The following PCDHGA3 variants were observed in gnomAD, a reference collection of about 807,000 sequenced individuals.
The protein encoded by PCDHGA3 is protocadherin gamma subfamily A, 3.
Under a neutral mutation model 58.5 loss-of-function variants are expected in PCDHGA3, and 40 were observed. The ratio of observed to expected loss-of-function variants is 0.68; its 90% CI spans 0.53 to 0.89. The LOEUF (loss-of-function observed/expected upper bound fraction) is 0.89, where lower values mean the gene tolerates loss of function less well. Among genes scored for constraint, PCDHGA3 ranks in the 40% least tolerant of loss-of-function variants. PCDHGA3 has a pLI of 0.00. For synonymous variants in PCDHGA3, 530 were observed against 525.7 expected (o/e 1.01, Z -0.11); for missense variants, 1,223 against 1,195.9 (o/e 1.02, Z -0.33).
Position 141,419,399 on chromosome 5 carries a change from G to C in PCDHGA3, c.2424+72942G>C, listed in dbSNP as rs893535249. On this transcript the variant is annotated intron_variant, in intron 1 of 3. Coordinates refer to ENST00000253812, the MANE Select transcript of PCDHGA3 (RefSeq NM_018916.4). ...GTCCGTGAGCGCGCAGAGCGGGGTG[G>C]TGTTCGCGCAGCGCGCCTTCGACCA... 1.7e-5 allele frequency: 28 copies of C among 1,613,470 alleles called. No individual in the cohort carries two copies. Among genetic ancestry groups the C allele is most frequent in the Admixed American group, 1.7e-5 (1 of 60,014 alleles).
At chr5:141,502,499 C>A (rs552402476) in intron 2 of PCDHGA3, among the ~76,000 whole-genome samples, 12 of 152,122 alleles carry the variant, frequency 7.9e-5, no homozygotes, top group Non-Finnish European at 2.9e-5. Flanking sequence ...CATCTAACGT[C>A]GGCCTGTCCC....
At chr5:141,505,044 C>G (rs1446394128) in intron 2 of PCDHGA3, among the ~76,000 whole-genome samples, 3 of 152,156 alleles carry the variant, frequency 2.0e-5, no homozygotes, top group African/African-American at 7.2e-5. Context: ...TGCCTGTCAT[C>G]CCAGCTACTT....
rs1316659737 is a variant in PCDHGA3 at position 141,490,964 on chromosome 5, C to T, written c.2425-3843C>T. ...CCACGGCCAGACTGGGAACACTCAG[C>T]CCCCCAGCGTCTCCCTCGCTCTGCT... On this transcript the variant is annotated intron_variant, in intron 1 of 3. Transcript: ENST00000253812. The surrounding 1 kb of genome is among the most constrained non-coding windows in gnomAD (Gnocchi z 5.4). 2.5e-6 allele frequency: 4 copies of T among 1,613,608 alleles called. No homozygotes were observed. Among genetic ancestry groups the T allele is most frequent in the East Asian group, 2.2e-5 (1 of 44,882 alleles).
At position 141,457,041 on chromosome 5, in the gene PCDHGA3, A is replaced by T. The variant is rs151212070; in HGVS notation, c.2425-37766A>T. On this transcript the variant is annotated intron_variant, in intron 1 of 3. Transcript: ENST00000253812. ...AAGTCCTAGTAGACTCAGTGATAGT[A>T]AAACTTTCATGCTTCCTTTTTGCCA... 2.3e-4 allele frequency among the ~76,000 whole-genome samples: 35 copies of T among 152,360 alleles called. No individual in the cohort carries two copies. In the East Asian group the frequency reaches 6.4e-3, roughly 28 times the overall value.
At chr5:141,357,224 T>G in intron 1 of PCDHGA3, 1 of 1,613,828 alleles carries the variant, frequency 6.2e-7, no homozygotes, top group Non-Finnish European at 8.5e-7. Context: ...CTGGCTGACT[T>G]GGGCAGCCTC....
chr5:141,405,410 TTTTTGTTTTTTG>T lies in PCDHGA3; in HGVS notation c.2424+58963_2424+58974del, dbSNP rs1345529499. 4 of 1,557,296 alleles carry T rather than the reference TTTTTGTTTTTTG, an allele frequency of 2.6e-6. No individual in the cohort carries two copies. In the South Asian group the frequency reaches 4.6e-5, roughly 18 times the overall value. ...ATTTTTTTTCTTTCTTTCTTTTCTT[TTTTTGTTTTTTG>T]TTTTGTTTTGTTTTTGAGACAGAGT... On this transcript the variant is annotated intron_variant, in intron 1 of 3. Transcript: ENST00000253812.
At chr5:141,455,449 G>A (rs1421095381) in intron 1 of PCDHGA3, among the ~76,000 whole-genome samples, 1 of 152,126 alleles carries the variant, frequency 6.6e-6, no homozygotes, top group Non-Finnish European at 1.5e-5. Flanking sequence ...CATCTACCGC[G>A]GATACCAGCC....
chr5:141,446,230 G>A (rs548647406), intron 1 of PCDHGA3, among the ~76,000 whole-genome samples: 22 of 152,208 alleles, frequency 1.4e-4, no homozygotes, highest in African/African-American at 4.6e-4. Context: ...GTGTTGCCTG[G>A]CAAGTGGTAG....
intron 2 of PCDHGA3, among the ~76,000 whole-genome samples, chr5:141,502,866 C>CTTTTTT (rs549047197): frequency 2.0e-4 from 26 of 128,026 alleles, no homozygotes; most frequent in African/African-American, 6.2e-4. Flanking sequence ...GACTCTCTGT[C>CTTTTTT]TTTTTTTTTT....
At chr5:141,380,313 G>A (rs535275197) in intron 1 of PCDHGA3, among the ~76,000 whole-genome samples, 53 of 152,244 alleles carry the variant, frequency 3.5e-4, no homozygotes, top group Non-Finnish European at 5.4e-4. Flanking sequence ...GCTTGAGAAT[G>A]AAAATCTAAA....
At chr5:141,371,090 C>T (rs764906419) in intron 1 of PCDHGA3, 1 of 1,613,820 alleles carries the variant, frequency 6.2e-7, no homozygotes, top group Admixed American at 1.7e-5. Flanking sequence ...GGGTAATTGT[C>T]GCAGATGCAA....
At chr5:141,428,122 G>T in intron 1 of PCDHGA3, 1 of 1,606,172 alleles carries the variant, frequency 6.2e-7, no homozygotes, top group Non-Finnish European at 8.5e-7. Flanking sequence ...ATCGAGCCCG[G>T]GCTTTTCAGC....
At chr5:141,381,603 T>C (rs751788788) in intron 1 of PCDHGA3, among the ~76,000 whole-genome samples, 4 of 152,242 alleles carry the variant, frequency 2.6e-5, no homozygotes, top group African/African-American at 4.8e-5. Context: ...TTCTTATGAA[T>C]TCACAGCCCA....
chr5:141,463,467 G>A (rs200270457), intron 1 of PCDHGA3, among the ~76,000 whole-genome samples: 2,116 of 11,250 alleles, frequency 0.19, 39 homozygotes, highest in East Asian at 0.24. Context: ...TTTTTTTTTT[G>A]AGATGGAGTC....
rs778271895 is a variant in PCDHGA3 at position 141,404,140 on chromosome 5, T to C, written c.2424+57683T>C. ...AGAATCTATCTTTTACATTAGAAAA[T>C]TCAGAAGAAGATTATTACAGATTGT... On this transcript the variant is annotated intron_variant, in intron 1 of 3. Coordinates refer to ENST00000253812, the MANE Select transcript of PCDHGA3 (RefSeq NM_018916.4). The C allele has an allele frequency of 8.1e-6, 13 of 1,612,934 alleles. No homozygotes were observed. The South Asian group carries it at 1.3e-4, about 16-fold the overall frequency.
At position 141,414,416 on chromosome 5, in the gene PCDHGA3, T is replaced by C. The variant is rs550804810; in HGVS notation, c.2424+67959T>C. The C allele has an allele frequency of 2.2e-5, 35 of 1,613,902 alleles. No homozygotes were observed. In the South Asian group the frequency reaches 3.5e-4, roughly 16 times the overall value. On this transcript the variant is annotated intron_variant, in intron 1 of 3. Coordinates refer to ENST00000253812, the MANE Select transcript of PCDHGA3 (RefSeq NM_018916.4). ...TACAGATTGGTGATACACAGAGCCCTTGACAGGGAACAGGTATCCTCTTAC... is the reference window on the plus strand; with the variant it reads ...TACAGATTGGTGATACACAGAGCCCCTGACAGGGAACAGGTATCCTCTTAC...
At chr5:141,371,789 T>G in intron 1 of PCDHGA3, 1 of 1,613,924 alleles carries the variant, frequency 6.2e-7, no homozygotes. Flanking sequence ...CTGAGAACAA[T>G]CCGCCTGGAG....
At chr5:141,366,662 A>T (rs1400618263) in intron 1 of PCDHGA3, 9 of 1,614,264 alleles carry the variant, frequency 5.6e-6, no homozygotes, top group Non-Finnish European at 7.6e-6. Context: ...CTACGCAGAC[A>T]CGCTCCTTAG....
chr5:141,475,721 G>A (rs867365261), intron 1 of PCDHGA3, among the ~76,000 whole-genome samples: 1 of 152,248 alleles, frequency 6.6e-6, no homozygotes. Context: ...ACAGCCCCAA[G>A]GCTGGCTTTC....
Sources: allele counts gnomAD v4.1 joint callset (sites outside exome capture counted in the v4.1 genomes callset), GRCh38; gene constraint gnomAD v4.1.1; non-coding constraint Gnocchi (gnomAD v3.1); transcripts MANE v1.5; gene names NCBI Gene and HGNC (gene_info 2026-07-23, HGNC 2026-07-21).